The following CELF2 variants were observed in gnomAD, a reference collection of about 807,000 sequenced individuals.
CELF2 encodes the protein CUG triplet repeat RNA-binding protein 2.
A neutral mutation model predicts 62.6 loss-of-function variants in CELF2; 8 were observed. The observed-to-expected ratio is 0.13, with a 90% CI of 0.07 to 0.23. The LOEUF (loss-of-function observed/expected upper bound fraction) is 0.23, where lower values mean the gene tolerates loss of function less well. Among genes scored for constraint, CELF2 ranks in the 10% least tolerant of loss-of-function variants. CELF2 has a pLI of 1.00. For synonymous variants in CELF2, 258 were observed against 250.0 expected, an observed-to-expected ratio of 1.03 and a Z score of -0.30; for missense variants, 333 against 671.0, an observed-to-expected ratio of 0.50 and a Z score of 5.56.
chr10:11,138,860 G>GT, intron 1 of CELF2, among the ~76,000 whole-genome samples: 1 of 152,322 alleles, frequency 6.6e-6, no homozygotes, highest in Middle Eastern at 3.4e-3. Context: ...ATTATCAAGT[G>GT]TAAGTGGGAA....
intron 2 of CELF2, among the ~76,000 whole-genome samples, chr10:10,950,477 T>G (rs942482645): frequency 1.6e-4 from 25 of 152,126 alleles, no homozygotes; most frequent in Non-Finnish European, 8.8e-5. Context: ...GTGATACCGT[T>G]CTTAATGTTC....
At chr10:11,153,571 C>A (rs149947679) in intron 1 of CELF2, among the ~76,000 whole-genome samples, 4 of 152,298 alleles carry the variant, frequency 2.6e-5, no homozygotes, top group Non-Finnish European at 5.9e-5. Context: ...TGTCACAGGT[C>A]GTACCTGACT....
At chr10:10,645,411 G>T in the CELF2 span, among the ~76,000 whole-genome samples, 22 of 152,288 alleles carry the variant, frequency 1.4e-4, no homozygotes, top group East Asian at 1.2e-3. Context: ...CCAGCACTTT[G>T]CGAGGCTGAG....
intron 2 of CELF2, among the ~76,000 whole-genome samples, chr10:10,961,068 C>T (rs557466713): frequency 3.9e-5 from 6 of 152,208 alleles, no homozygotes; most frequent in Non-Finnish European, 5.9e-5. Flanking sequence ...AATTCCAATA[C>T]GGACTTCTTA....
At chr10:10,663,058 T>C in the CELF2 span, among the ~76,000 whole-genome samples, 1 of 152,214 alleles carries the variant, frequency 6.6e-6, no homozygotes, top group Non-Finnish European at 1.5e-5. Context: ...TGCAAACTCA[T>C]CATACTTTAT....
intron 7 of CELF2, among the ~76,000 whole-genome samples, chr10:11,271,880 A>G (rs1249435557): frequency 6.6e-6 from 1 of 152,116 alleles, no homozygotes; most frequent in Non-Finnish European, 1.5e-5. Context: ...GGAAGGTGAG[A>G]TGATCCTGCT....
chr10:10,853,916 G>A (rs1380077189), intron 1 of CELF2, among the ~76,000 whole-genome samples: 2 of 152,160 alleles, frequency 1.3e-5, no homozygotes, highest in Non-Finnish European at 2.9e-5. Flanking sequence ...GACTTCGCAT[G>A]TACGAAAGTC....
At chr10:10,744,810 G>C in the CELF2 span, among the ~76,000 whole-genome samples, 3 of 151,858 alleles carry the variant, frequency 2.0e-5, no homozygotes, top group African/African-American at 7.3e-5. Context: ...ATAAAAATTT[G>C]TAAGTCATAA....
intron 9 of CELF2, among the ~76,000 whole-genome samples, chr10:11,291,485 G>A (rs1246594377): frequency 6.6e-6 from 1 of 152,138 alleles, no homozygotes; most frequent in African/African-American, 2.4e-5. Context: ...ATTGCCCATG[G>A]TTAAAATAAG....
rs2071498403 is a variant in CELF2 at position 11,177,155 on chromosome 10, T to A, written c.271+11473T>A. Among the ~76,000 whole-genome samples, 1 of 152,148 alleles carries A rather than the reference T, an allele frequency of 6.6e-6. No individual in the cohort carries two copies. The highest frequency in any genetic ancestry group is 1.9e-4 in the East Asian group (1 of 5,202). On this transcript the variant is annotated intron_variant, in intron 2 of 12. Transcript: ENST00000633077. This position sits in a 1 kb window ranked among gnomAD's most constrained non-coding sequence, Gnocchi z 4.8. Reference sequence around the variant, plus strand: ...GTAAACATGTTAATACTAGCTTTCATAAATCCCCCTCTCTAAAAAACACCC... The same window carrying A: ...GTAAACATGTTAATACTAGCTTTCAAAAATCCCCCTCTCTAAAAAACACCC...
chr10:11,170,986 A>G (rs2068690430), intron 2 of CELF2, among the ~76,000 whole-genome samples: 1 of 152,212 alleles, frequency 6.6e-6, no homozygotes, highest in Non-Finnish European at 1.5e-5. Context: ...TGAGATTAGA[A>G]GGTAGGAACA....
At chr10:11,263,206 T>C (rs1043557658) in intron 5 of CELF2, among the ~76,000 whole-genome samples, 1 of 152,116 alleles carries the variant, frequency 6.6e-6, no homozygotes, top group African/African-American at 2.4e-5. Context: ...GTAACCTCAC[T>C]GAAATGAGAG....
chr10:10,643,243 T>A, the CELF2 span, among the ~76,000 whole-genome samples: 76 of 152,130 alleles, frequency 5.0e-4, 1 homozygote, highest in African/African-American at 1.7e-3. Flanking sequence ...CCAAATCTCA[T>A]CTTGAATTGT....
Position 11,217,642 on chromosome 10 carries a change from TC to T in CELF2, c.354+138del. Reference sequence around the variant, plus strand: ...GAGGAGTGTGTGCTGACCCCCCAGTTCCCTGCAGCAGCCACACCAGCTGGCC... The same window carrying T: ...GAGGAGTGTGTGCTGACCCCCCAGTTCCTGCAGCAGCCACACCAGCTGGCC... On this transcript the variant is annotated intron_variant, in intron 3 of 12. Transcript: ENST00000633077. This position sits in a 1 kb window ranked among gnomAD's most constrained non-coding sequence, Gnocchi z 5.6. 1 of 572,578 alleles carries T rather than the reference TC, an allele frequency of 1.7e-6. No individual in the cohort carries two copies. Among genetic ancestry groups the T allele is most frequent in the South Asian group, 2.3e-5 (1 of 43,210 alleles). The allele number at this position is 572,578 out of a possible 1,614,324, so 35.5% of individuals were successfully genotyped here. A position where few individuals can be genotyped will look rare whatever the true frequency, so the allele number is the denominator to read the frequency against.
the CELF2 span, among the ~76,000 whole-genome samples, chr10:10,520,491 A>C: frequency 4.6e-5 from 7 of 152,304 alleles, no homozygotes; most frequent in East Asian, 9.6e-4. Flanking sequence ...CATGTCCTCG[A>C]GCTTCTACTC....
intron 1 of CELF2, among the ~76,000 whole-genome samples, chr10:11,049,825 C>T (rs373076448): frequency 6.6e-6 from 1 of 152,150 alleles, no homozygotes; most frequent in Non-Finnish European, 1.5e-5. Flanking sequence ...TTACAAAACA[C>T]ACCTTCACAG....
chr10:10,748,961 G>A, the CELF2 span, among the ~76,000 whole-genome samples: 2 of 152,066 alleles, frequency 1.3e-5, no homozygotes, highest in African/African-American at 4.8e-5. Flanking sequence ...GAATGTCAAA[G>A]ATGATTCAGC....
At chr10:10,758,715 CA>C in the CELF2 span, among the ~76,000 whole-genome samples, 1 of 152,308 alleles carries the variant, frequency 6.6e-6, no homozygotes, top group African/African-American at 2.4e-5. Context: ...TCAGATATTA[CA>C]TGGCTATAAA....
chr10:10,691,276 G>A, the CELF2 span, among the ~76,000 whole-genome samples: 17 of 150,940 alleles, frequency 1.1e-4, no homozygotes, highest in African/African-American at 2.2e-4. Flanking sequence ...TTGTTCTTGC[G>A]ATAGTTTACT....
Sources: allele counts gnomAD v4.1 joint callset (sites outside exome capture counted in the v4.1 genomes callset), GRCh38; gene constraint gnomAD v4.1.1; non-coding constraint Gnocchi (gnomAD v3.1); transcripts MANE v1.5; gene names NCBI Gene and HGNC (gene_info 2026-07-23, HGNC 2026-07-21).